Variants in MTHFD1L observed in about 807,000 individuals in gnomAD.
The protein encoded by MTHFD1L is monofunctional C1-tetrahydrofolate synthase, mitochondrial.
In MTHFD1L, 81 loss-of-function variants were observed where a neutral mutation model predicts 119.5. The ratio of observed to expected loss-of-function variants is 0.68; its 90% confidence interval spans 0.57 to 0.82. The LOEUF is 0.82. Among genes scored for constraint, MTHFD1L ranks in the 40% least tolerant of loss-of-function variants. The pLI is 0.00. For missense variants in MTHFD1L, 1,125 were observed against 1,253.4 expected (o/e 0.90, Z 1.55); for synonymous variants, 430 against 475.2 (o/e 0.90, Z 1.24).
chr6:150,903,860 A>G (rs1266807853), intron 7 of MTHFD1L, among the ~76,000 whole-genome samples: 1 of 152,266 alleles, frequency 6.6e-6, no homozygotes, highest in Admixed American at 6.5e-5. Flanking sequence ...ATCAGTGTTA[A>G]TACACTTTTC....
At position 150,916,736 on chromosome 6, in the gene MTHFD1L, C is replaced by G. The variant is rs536800295; in HGVS notation, c.893-1841C>G. Among the ~76,000 whole-genome samples the G allele has an allele frequency of 2.0e-3, 172 of 84,338 alleles. 1 individual carries two copies. The highest frequency in any genetic ancestry group is 7.2e-3 in the African/African-American group (163 of 22,516). 55.3% of individuals were successfully genotyped at this position (84,338 alleles called of 152,430 possible). A position where few individuals can be genotyped will look rare whatever the true frequency, so the allele number is the denominator to read the frequency against. On this transcript the variant is annotated intron_variant, in intron 8 of 27. Transcript: ENST00000367321. Reference sequence around the variant, plus strand: ...GTTTTGATGGAAAATTGATTCTATCCCTTTTTTTTTTTTTTTTTTTTTTTT... The same window carrying G: ...GTTTTGATGGAAAATTGATTCTATCGCTTTTTTTTTTTTTTTTTTTTTTTT...
intron 26 of MTHFD1L, among the ~76,000 whole-genome samples, chr6:151,057,802 G>A (rs1026542451): frequency 6.6e-6 from 1 of 152,062 alleles, no homozygotes; most frequent in South Asian, 2.1e-4. Flanking sequence ...TGTTTGAGAC[G>A]GAGTCTGGCT....
Position 151,091,186 on chromosome 6 carries a change from G to A in MTHFD1L, c.2848-1281G>A, listed in dbSNP as rs980863722. 1.1e-4 allele frequency among the ~76,000 whole-genome samples: 17 copies of A among 149,932 alleles called. 1 individual carries two copies. The highest frequency in any genetic ancestry group is 7.9e-4 in the East Asian group (4 of 5,072). ...GCAGCATCGTTCCATGCGACTGGGT[G>A]CAGCATCGTTCCATGCGACTGGGTG... On this transcript the variant is annotated intron_variant, in intron 26 of 27. Coordinates refer to ENST00000367321, the MANE Select transcript of MTHFD1L (RefSeq NM_015440.5).
At chr6:150,933,791 T>C (rs1468075692) in intron 11 of MTHFD1L, among the ~76,000 whole-genome samples, 1 of 152,182 alleles carries the variant, frequency 6.6e-6, no homozygotes, top group Non-Finnish European at 1.5e-5. Context: ...TCTTATTTTT[T>C]GTGTTTTTAG....
intron 16 of MTHFD1L, 146 bp from the exon 17 acceptor site, chr6:150,955,849 G>A (rs982751530): frequency 1.1e-5 from 7 of 651,184 alleles, no homozygotes; most frequent in Admixed American, 2.6e-5. Flanking sequence ...CTTTCTCTAT[G>A]TCTACCCACT....
chr6:151,033,802 C>T (rs1461123030), intron 24 of MTHFD1L, among the ~76,000 whole-genome samples: 2 of 152,104 alleles, frequency 1.3e-5, no homozygotes, highest in African/African-American at 4.8e-5. Context: ...ACTATGAACC[C>T]GTATTCAGAC....
At chr6:151,081,463 G>C (rs1793153545) in intron 26 of MTHFD1L, among the ~76,000 whole-genome samples, 2 of 147,462 alleles carry the variant, frequency 1.4e-5, no homozygotes, top group African/African-American at 5.0e-5. Flanking sequence ...GACCAGGCTG[G>C]CCAACATGGT....
intron 16 of MTHFD1L, among the ~76,000 whole-genome samples, chr6:150,949,627 G>C (rs371885183): frequency 3.6e-4 from 54 of 152,056 alleles, no homozygotes; most frequent in African/African-American, 1.3e-3. Flanking sequence ...ACGAGGCATC[G>C]CTCCACTGCT....
intron 13 of MTHFD1L, chr6:150,939,379 T>C (rs1792688514): frequency 6.6e-6 from 1 of 152,422 alleles, no homozygotes; most frequent in Non-Finnish European, 1.5e-5. Context: ...CAAAAAGAAC[T>C]GACGTTGTTA....
At chr6:151,097,317 G>A (rs1200525805) in intron 27 of MTHFD1L, among the ~76,000 whole-genome samples, 1 of 152,154 alleles carries the variant, frequency 6.6e-6, no homozygotes, top group Non-Finnish European at 1.5e-5. Context: ...ACAGAAATAA[G>A]TTCAGGAAAG....
At chr6:150,875,164 T>G (rs1780217551) in intron 1 of MTHFD1L, among the ~76,000 whole-genome samples, 1 of 152,026 alleles carries the variant, frequency 6.6e-6, no homozygotes, top group Non-Finnish European at 1.5e-5. Context: ...CAAGCGGTCC[T>G]CCAGCTTCAG....
intron 20 of MTHFD1L, among the ~76,000 whole-genome samples, chr6:150,982,934 A>G (rs549108532): frequency 1.8e-3 from 270 of 152,288 alleles, no homozygotes; most frequent in African/African-American, 6.2e-3. Flanking sequence ...TCCTGACCTC[A>G]GGTGATCCAC....
intron 26 of MTHFD1L, among the ~76,000 whole-genome samples, chr6:151,076,251 G>A (rs1250830736): frequency 1.3e-5 from 2 of 150,898 alleles, no homozygotes; most frequent in African/African-American, 4.9e-5. Flanking sequence ...TCACTTGGGA[G>A]GATGAGGTGG....
At chr6:151,028,498 C>A (rs1209864102) in intron 24 of MTHFD1L, among the ~76,000 whole-genome samples, 1 of 152,026 alleles carries the variant, frequency 6.6e-6, no homozygotes, top group Non-Finnish European at 1.5e-5. Flanking sequence ...GGAAGGACAC[C>A]TCCTATCACA....
intron 16 of MTHFD1L, among the ~76,000 whole-genome samples, chr6:150,953,097 G>C (rs1795082040): frequency 6.6e-6 from 1 of 152,074 alleles, no homozygotes; most frequent in African/African-American, 2.4e-5. Context: ...GCCTCCCTCA[G>C]CCTCAGGGAA....
Position 151,099,466 on chromosome 6 carries a change from TGC to T in MTHFD1L, c.*32-2059_*32-2058del. On this transcript the variant is annotated intron_variant, in intron 27 of 27. Coordinates refer to ENST00000367321, the MANE Select transcript of MTHFD1L (RefSeq NM_015440.5). Reference sequence around the variant, plus strand: ...CTGAAATATTTTCTTTTTTTTTTTTTGCCCTTCTCTCTTCCTCGGCGCTGCCT... The same window carrying T: ...CTGAAATATTTTCTTTTTTTTTTTTTCCTTCTCTCTTCCTCGGCGCTGCCT... 7.9e-6 allele frequency: 8 copies of T among 1,007,936 alleles called. No individual in the cohort carries two copies. The Admixed American group carries it at 9.2e-5, about 12-fold the overall frequency. The allele number at this position is 1,007,936 out of a possible 1,614,324, so 62.4% of individuals were successfully genotyped here. A position where few individuals can be genotyped will look rare whatever the true frequency, so the allele number is the denominator to read the frequency against.
At position 150,936,873 on chromosome 6, in the gene MTHFD1L, A is replaced by C; in HGVS notation, c.1326A>C (p.Ala442=). The C allele has an allele frequency of 6.2e-7, 1 of 1,614,124 alleles. No homozygotes were observed. Among genetic ancestry groups the C allele is most frequent in the Non-Finnish European group, 8.5e-7 (1 of 1,180,004 alleles). The part of the protein sequence containing the change: ...VTIGLVQALT[A]HLNVNSFACL... Reference sequence around the variant, plus strand: ...TCGGGCTTGTGCAGGCTCTGACCGCACACCTGAATGTCAACTCCTTTGCCT... The same window carrying C: ...TCGGGCTTGTGCAGGCTCTGACCGCCCACCTGAATGTCAACTCCTTTGCCT... The change falls in exon 12 of 28, where the codon GCA becomes GCC. Residue 442 remains alanine (A), a synonymous_variant. Coordinates refer to ENST00000367321, the MANE Select transcript of MTHFD1L (RefSeq NM_015440.5).
At chr6:150,866,570 C>T (rs1011057288) in intron 1 of MTHFD1L, 4 of 1,227,760 alleles carry the variant, frequency 3.3e-6, no homozygotes, top group African/African-American at 1.6e-5. Context: ...CGCCCTTCCC[C>T]GCGCGCGGCC....
chr6:151,037,399 T>C (rs932191416), intron 26 of MTHFD1L, among the ~76,000 whole-genome samples: 1 of 152,180 alleles, frequency 6.6e-6, no homozygotes, highest in African/African-American at 2.4e-5. Context: ...ATTCAGTCTG[T>C]TATTTAAATG....
Sources: allele counts gnomAD v4.1 joint callset (sites outside exome capture counted in the v4.1 genomes callset), GRCh38; gene constraint gnomAD v4.1.1; transcripts MANE v1.5; gene names NCBI Gene and HGNC (gene_info 2026-07-23, HGNC 2026-07-21).